ADAM32: variants seen among roughly 807,000 people sequenced by gnomAD.
ADAM32 encodes ADAM metallopeptidase domain 32.
Under a neutral mutation model 114.9 loss-of-function variants are expected in ADAM32, and 89 were observed. That is an observed-to-expected ratio of 0.77 (90% CI 0.65 to 0.92). ADAM32 has a LOEUF of 0.92. ADAM32 is among the 40% of genes least tolerant of loss of function. ADAM32 has a pLI of 0.00. For missense variants in ADAM32, 870 were observed against 932.8 expected, an observed-to-expected ratio of 0.93 and a Z score of 0.88; for synonymous variants, 285 against 307.5, an observed-to-expected ratio of 0.93 and a Z score of 0.77.
At chr8:39,283,771 CTTT>C (rs373085019) in intron 24 of ADAM32, 147 bp downstream of exon 24, 1,033 of 240,662 alleles carry the variant, frequency 4.3e-3, no homozygotes, top group East Asian at 8.7e-3. Flanking sequence ...TTCTTTTATT[CTTT>C]TTTTTTTTTT....
intron 1 of ADAM32, among the ~76,000 whole-genome samples, chr8:39,111,773 C>T (rs1170032552): frequency 5.4e-5 from 8 of 147,514 alleles, no homozygotes; most frequent in Non-Finnish European, 1.5e-5. Flanking sequence ...TTGGGAAAAG[C>T]TGACATCCGA....
At chr8:39,260,248 C>T (rs868609003) in intron 19 of ADAM32, among the ~76,000 whole-genome samples, 11 of 152,058 alleles carry the variant, frequency 7.2e-5, no homozygotes, top group Non-Finnish European at 1.2e-4. Context: ...AAGTTTTTTA[C>T]GTATAAGGTC....
intron 2 of ADAM32, chr8:39,130,085 A>C (rs1588484083): frequency 5.1e-6 from 1 of 195,228 alleles, no homozygotes; most frequent in Admixed American, 5.6e-5. Context: ...CTCCCAAGTA[A>C]CTGGGATTAC....
chr8:39,252,290 T>G (rs1811357022), intron 17 of ADAM32, among the ~76,000 whole-genome samples: 1 of 150,934 alleles, frequency 6.6e-6, no homozygotes, highest in Admixed American at 6.6e-5. Context: ...GAAGTTAATA[T>G]TAAAAGAAAG....
At position 39,158,103 on chromosome 8, in the gene ADAM32, C is replaced by A. The variant is rs574994732; in HGVS notation, c.526-2794C>A. On this transcript the variant is annotated intron_variant, in intron 6 of 24. Transcript: ENST00000379907. ...TCATCTTGTCCTGCCCAAACGCTTG[C>A]TTCACAGGTACCTGGTCCTCTAGCC... 129 of 226,848 alleles carry A rather than the reference C, an allele frequency of 5.7e-4. 1 individual carries two copies. The highest frequency in any genetic ancestry group is 9.3e-4 in the Non-Finnish European group (106 of 113,406). 14.1% of individuals were successfully genotyped at this position (226,848 alleles called of 1,614,324 possible).
At chr8:39,142,819 C>T (rs1464826910) in intron 3 of ADAM32, among the ~76,000 whole-genome samples, 9 of 152,176 alleles carry the variant, frequency 5.9e-5, no homozygotes, top group Admixed American at 5.9e-4. Context: ...GTTCCATTCT[C>T]CCTGTCACTT....
chr8:39,231,133 GTT>G (rs1353558920), intron 14 of ADAM32, among the ~76,000 whole-genome samples: 7 of 152,156 alleles, frequency 4.6e-5, no homozygotes, highest in African/African-American at 1.7e-4. Context: ...CAATCAGTCA[GTT>G]TTGAGTTAAT....
chr8:39,201,252 A>G (rs986916410), intron 11 of ADAM32, among the ~76,000 whole-genome samples: 49 of 152,164 alleles, frequency 3.2e-4, no homozygotes, highest in Non-Finnish European at 1.3e-4. Context: ...CTTCCTACCC[A>G]TGAGCATGGA....
intron 21 of ADAM32, 107 bp downstream of exon 21, chr8:39,274,457 C>T: frequency 7.9e-7 from 1 of 1,267,300 alleles, no homozygotes; most frequent in Admixed American, 2.0e-5. Context: ...ATTGGTAAAG[C>T]AATGCACTAA....
At chr8:39,175,667 G>A (rs972202005) in intron 10 of ADAM32, among the ~76,000 whole-genome samples, 5 of 152,114 alleles carry the variant, frequency 3.3e-5, no homozygotes, top group Non-Finnish European at 5.9e-5. Flanking sequence ...GCTGGGTTTT[G>A]GTATCAGGAT....
At chr8:39,181,317 C>T (rs1018952096) in intron 10 of ADAM32, among the ~76,000 whole-genome samples, 7 of 152,122 alleles carry the variant, frequency 4.6e-5, no homozygotes, top group Non-Finnish European at 7.4e-5. Context: ...CCAGACGTGC[C>T]GTCTTAAGAA....
chr8:39,266,920 A>C (rs1272825017), intron 19 of ADAM32, among the ~76,000 whole-genome samples: 1 of 152,214 alleles, frequency 6.6e-6, no homozygotes, highest in Non-Finnish European at 1.5e-5. Flanking sequence ...CAGGGGGCCA[A>C]GGCTCAAATT....
At chr8:39,266,035 C>A (rs930848036) in intron 19 of ADAM32, among the ~76,000 whole-genome samples, 1 of 152,184 alleles carries the variant, frequency 6.6e-6, no homozygotes, top group Non-Finnish European at 1.5e-5. Flanking sequence ...AATTCTGCTG[C>A]TAGCCTGTTG....
At chr8:39,151,159 G>A (rs1473703950) in intron 5 of ADAM32, among the ~76,000 whole-genome samples, 5 of 152,160 alleles carry the variant, frequency 3.3e-5, no homozygotes, top group African/African-American at 1.2e-4. Context: ...AATTGATTAA[G>A]TGACTTCTGC....
chr8:39,220,799 T>C (rs1207602096), intron 12 of ADAM32: 1 of 152,068 alleles, frequency 6.6e-6, no homozygotes, highest in Non-Finnish European at 1.5e-5. Flanking sequence ...TAATTGTTTT[T>C]TGAATTTGTT....
chr8:39,149,168 T>C (rs1803677035), intron 4 of ADAM32, among the ~76,000 whole-genome samples: 1 of 152,212 alleles, frequency 6.6e-6, no homozygotes, highest in South Asian at 2.1e-4. Context: ...TTTATAACTG[T>C]AGATTTTTTA....
At chr8:39,228,023 C>T (rs529241527) in intron 14 of ADAM32, among the ~76,000 whole-genome samples, 55 of 152,326 alleles carry the variant, frequency 3.6e-4, no homozygotes, top group Middle Eastern at 3.4e-3. Context: ...AGACACCCAC[C>T]AGTACCAGCC....
intron 14 of ADAM32, among the ~76,000 whole-genome samples, chr8:39,225,194 G>A (rs1809271503): frequency 6.6e-6 from 1 of 152,164 alleles, no homozygotes; most frequent in Non-Finnish European, 1.5e-5. Flanking sequence ...TGTGGCTCTT[G>A]TCTGCACTGT....
chr8:39,134,459 G>C (rs1802659944), intron 2 of ADAM32, among the ~76,000 whole-genome samples: 2 of 151,998 alleles, frequency 1.3e-5, no homozygotes, highest in Admixed American at 1.3e-4. Context: ...AGCCAATCCT[G>C]GCCAGGCCAG....
Sources: gnomAD v4.1 joint callset for allele counts (sites outside exome capture counted in the v4.1 genomes callset) on GRCh38, gnomAD v4.1.1 for gene constraint, MANE v1.5 for transcripts, NCBI Gene and HGNC (gene_info 2026-07-23, HGNC 2026-07-21) for gene names.